BCAR3: variants seen among roughly 807,000 people sequenced by gnomAD.
BCAR3 encodes breast cancer anti-estrogen resistance protein 3.
Under a neutral mutation model 80.1 loss-of-function variants are expected in BCAR3, and 37 were observed. The observed-to-expected ratio is 0.46, with a 90% CI of 0.36 to 0.61. The LOEUF is 0.61. Ranked by LOEUF, BCAR3 falls within the 20% of genes least tolerant of loss-of-function variation. BCAR3 has a pLI of 0.00. For synonymous variants in BCAR3, 389 were observed against 418.9 expected, an observed-to-expected ratio of 0.93 and a Z score of 0.87; for missense variants, 978 against 1,068.2, an observed-to-expected ratio of 0.92 and a Z score of 1.18.
intron 3 of BCAR3, among the ~76,000 whole-genome samples, chr1:93,691,301 C>T (rs1649177484): frequency 6.6e-6 from 1 of 152,210 alleles, no homozygotes; most frequent in African/African-American, 2.4e-5. Context: ...GGGGAACAGC[C>T]TCCCATTACT....
At chr1:93,735,530 C>T (rs2100689374) in intron 2 of BCAR3, among the ~76,000 whole-genome samples, 1 of 152,374 alleles carries the variant, frequency 6.6e-6, no homozygotes, top group East Asian at 1.9e-4. Context: ...TATATAACCA[C>T]ATCAGAGTTG....
intron 2 of BCAR3, among the ~76,000 whole-genome samples, chr1:93,735,103 A>G (rs1326302559): frequency 2.0e-5 from 3 of 152,240 alleles, no homozygotes; most frequent in East Asian, 1.9e-4. Context: ...TTCTAGACAC[A>G]TAACAGGGCT....
chr1:93,639,962 GT>G (rs920112377), intron 3 of BCAR3, among the ~76,000 whole-genome samples: 24 of 152,202 alleles, frequency 1.6e-4, no homozygotes, highest in Middle Eastern at 3.4e-3. Flanking sequence ...CTTGATGCTT[GT>G]TTTTTTCGGC....
chr1:93,654,750 A>C (rs1647292881), intron 2 of BCAR3, among the ~76,000 whole-genome samples: 1 of 152,038 alleles, frequency 6.6e-6, no homozygotes, highest in South Asian at 2.1e-4. Context: ...TGCCCAGAAT[A>C]TTCATCCCCA....
At chr1:93,704,190 A>G (rs569962969) in intron 3 of BCAR3, among the ~76,000 whole-genome samples, 93 of 152,270 alleles carry the variant, frequency 6.1e-4, no homozygotes, top group African/African-American at 2.2e-3. Flanking sequence ...AAATGAGAAG[A>G]AACCAGCAGC....
chr1:93,829,059 AAAAG>A (rs1317215496), intron 2 of BCAR3, among the ~76,000 whole-genome samples: 1 of 152,132 alleles, frequency 6.6e-6, no homozygotes, highest in African/African-American at 2.4e-5. Context: ...TTAATAGAAG[AAAAG>A]AGAGAGAAAA....
chr1:93,742,224 G>A (rs1653703479), intron 2 of BCAR3, among the ~76,000 whole-genome samples: 1 of 152,178 alleles, frequency 6.6e-6, no homozygotes, highest in Non-Finnish European at 1.5e-5. Context: ...AGGAATAGGA[G>A]AATTAAGGTG....
At chr1:93,796,522 G>T (rs1021842924) in intron 2 of BCAR3, among the ~76,000 whole-genome samples, 1 of 150,308 alleles carries the variant, frequency 6.7e-6, no homozygotes, top group Non-Finnish European at 1.5e-5. Context: ...GCTCGCGCAC[G>T]GTGCGCGCAC....
At chr1:93,683,016 G>A (rs930647356), upstream of BCAR3, among the ~76,000 whole-genome samples, 1 of 152,140 alleles carries the variant, frequency 6.6e-6, no homozygotes, top group Non-Finnish European at 1.5e-5. Context: ...AAAATTAAGA[G>A]CTTCTGTTCA....
intron 2 of BCAR3, among the ~76,000 whole-genome samples, chr1:93,726,352 C>A (rs4847252): frequency 6.6e-6 from 1 of 152,160 alleles, no homozygotes; most frequent in Non-Finnish European, 1.5e-5. Flanking sequence ...AGATTACAGG[C>A]ATGAGCCACC....
chr1:93,770,674 G>A (rs1652328593), intron 2 of BCAR3, among the ~76,000 whole-genome samples: 1 of 152,154 alleles, frequency 6.6e-6, no homozygotes. Context: ...TGCTTCAATA[G>A]GTTATCAACA....
chr1:93,666,525 G>A (rs887021162), intron 2 of BCAR3, among the ~76,000 whole-genome samples: 1 of 152,088 alleles, frequency 6.6e-6, no homozygotes, highest in Non-Finnish European at 1.5e-5. Flanking sequence ...TTGCCTGAAT[G>A]CCCCCTAAAC....
chr1:93,781,277 A>AT (rs1652752983), intron 2 of BCAR3, among the ~76,000 whole-genome samples: 1 of 152,192 alleles, frequency 6.6e-6, no homozygotes, highest in Admixed American at 6.5e-5. Context: ...TCTTCTTTTG[A>AT]TTTTTTTCAA....
At chr1:93,613,423 T>C (rs1015113146) in intron 3 of BCAR3, among the ~76,000 whole-genome samples, 2 of 152,230 alleles carry the variant, frequency 1.3e-5, no homozygotes, top group Admixed American at 6.5e-5. Flanking sequence ...GGAAATATTG[T>C]GTGGCTTCTG....
chr1:93,720,071 C>T (rs1368971932), intron 2 of BCAR3: 1 of 152,226 alleles, frequency 6.6e-6, no homozygotes, highest in East Asian at 1.9e-4. Flanking sequence ...TATAAAAATC[C>T]TCAGTCAAGC....
At chr1:93,831,415 A>T (rs1311263602) in intron 2 of BCAR3, among the ~76,000 whole-genome samples, 1 of 152,172 alleles carries the variant, frequency 6.6e-6, no homozygotes, top group Non-Finnish European at 1.5e-5. Context: ...ACTTGACCCC[A>T]GTACAAACTT....
intron 2 of BCAR3, among the ~76,000 whole-genome samples, chr1:93,839,029 G>A (rs549422891): frequency 6.6e-5 from 10 of 152,330 alleles, no homozygotes; most frequent in South Asian, 2.1e-4. Context: ...AGTGCCAGGC[G>A]TGGTGGCTCA....
At chr1:93,763,390 T>C (rs1353175817) in intron 2 of BCAR3, among the ~76,000 whole-genome samples, 1 of 152,230 alleles carries the variant, frequency 6.6e-6, no homozygotes, top group Non-Finnish European at 1.5e-5. Context: ...GAATGCCTAC[T>C]GCATGCTAGG....
At chr1:93,828,539 A>G (rs888756670) in intron 2 of BCAR3, among the ~76,000 whole-genome samples, 1 of 152,192 alleles carries the variant, frequency 6.6e-6, no homozygotes, top group Non-Finnish European at 1.5e-5. Flanking sequence ...AGTAAGACCA[A>G]GAAGAATCTG....
Sources: gnomAD v4.1 joint callset for allele counts (sites outside exome capture counted in the v4.1 genomes callset) on GRCh38, gnomAD v4.1.1 for gene constraint, MANE v1.5 for transcripts, NCBI Gene and HGNC (gene_info 2026-07-23, HGNC 2026-07-21) for gene names.